Variants in SLC24A3 observed in about 807,000 individuals in gnomAD.
SLC24A3 encodes solute carrier family 24 member 3.
A neutral mutation model predicts 75.8 loss-of-function variants in SLC24A3; 28 were observed. The observed-to-expected ratio is 0.37, with a 90% CI of 0.27 to 0.51. SLC24A3 has a LOEUF of 0.51. SLC24A3 is among the 20% of genes least tolerant of loss of function. The pLI, the probability that SLC24A3 is intolerant of heterozygous loss-of-function variation, is 0.94. For missense variants in SLC24A3, 663 were observed against 847.8 expected (o/e 0.78, Z 2.71); for synonymous variants, 372 against 334.1 (o/e 1.11, Z -1.24).
At chr20:19,368,532 T>C (rs1985937202) in intron 2 of SLC24A3, among the ~76,000 whole-genome samples, 1 of 152,178 alleles carries the variant, frequency 6.6e-6, no homozygotes, top group Non-Finnish European at 1.5e-5. Context: ...TACTGTTGGC[T>C]GGCACCTCCA....
chr20:19,480,307 G>C (rs6081612), intron 2 of SLC24A3, among the ~76,000 whole-genome samples: 37,045 of 151,580 alleles, frequency 0.24, 5,006 homozygotes, highest in East Asian at 0.5. Context: ...CTTTGGACTA[G>C]AGGAGAGGTT....
At chr20:19,532,380 C>T (rs1047708974) in intron 3 of SLC24A3, among the ~76,000 whole-genome samples, 20 of 152,160 alleles carry the variant, frequency 1.3e-4, no homozygotes, top group African/African-American at 4.6e-4. Flanking sequence ...AGGGGCATTG[C>T]ATCCCCAGGA....
Position 19,721,234 on chromosome 20 carries a change from C to T in SLC24A3, c.*94C>T, listed in dbSNP as rs2033102091. The T allele has an allele frequency of 2.7e-6, 4 of 1,509,372 alleles. No individual in the cohort carries two copies. Among genetic ancestry groups the T allele is most frequent in the Non-Finnish European group, 3.6e-6 (4 of 1,113,638 alleles). 93.5% of individuals were successfully genotyped at this position (1,509,372 alleles called of 1,614,324 possible). A position where few individuals can be genotyped will look rare whatever the true frequency, so the allele number is the denominator to read the frequency against. ...GTCACACAGGCCCCCGGGGCCACGG[C>T]GTTCGTCTCTCCTGTGCTGTCCTCA... On this transcript the variant is annotated 3_prime_UTR_variant, in exon 17 of 17. Transcript: ENST00000328041.
At chr20:19,469,407 T>C (rs1425271886) in intron 2 of SLC24A3, among the ~76,000 whole-genome samples, 1 of 152,212 alleles carries the variant, frequency 6.6e-6, no homozygotes, top group East Asian at 1.9e-4. Flanking sequence ...TAGTTAGTAC[T>C]ATAGAAGCTT....
intron 15 of SLC24A3, among the ~76,000 whole-genome samples, chr20:19,710,197 G>T (rs533575467): frequency 5.1e-4 from 77 of 152,312 alleles, no homozygotes; most frequent in African/African-American, 1.8e-3. Context: ...AAAGGAATTT[G>T]TTGGTTGGGT....
chr20:19,661,780 C>A (rs1051972500), intron 7 of SLC24A3, among the ~76,000 whole-genome samples: 1 of 152,162 alleles, frequency 6.6e-6, no homozygotes, highest in Non-Finnish European at 1.5e-5. Flanking sequence ...CCTCCCAGCT[C>A]AGCCAGCCTC....
chr20:19,540,239 C>T (rs894414876), intron 3 of SLC24A3, among the ~76,000 whole-genome samples: 3 of 152,116 alleles, frequency 2.0e-5, no homozygotes, highest in African/African-American at 4.8e-5. Flanking sequence ...CAGTAAAACA[C>T]GTTCAGTGCA....
chr20:19,577,246 G>C (rs1386694396), intron 3 of SLC24A3, among the ~76,000 whole-genome samples: 3 of 151,982 alleles, frequency 2.0e-5, no homozygotes, highest in Admixed American at 2.0e-4. Context: ...TAGTAGAGAT[G>C]GGGTTTCACC....
At chr20:19,321,335 G>A (rs901559109) in intron 2 of SLC24A3, among the ~76,000 whole-genome samples, 2 of 152,132 alleles carry the variant, frequency 1.3e-5, no homozygotes, top group African/African-American at 4.8e-5. Context: ...GAGTGATGGA[G>A]CGAACACAGC....
intron 3 of SLC24A3, among the ~76,000 whole-genome samples, chr20:19,553,660 C>T (rs1007104405): frequency 2.0e-5 from 3 of 152,128 alleles, no homozygotes; most frequent in Admixed American, 6.5e-5. Context: ...CCGATGCTGT[C>T]CATGTCAGCT....
intron 1 of SLC24A3, among the ~76,000 whole-genome samples, chr20:19,223,643 T>C (rs1981790759): frequency 6.6e-6 from 1 of 152,224 alleles, no homozygotes; most frequent in Admixed American, 6.5e-5. Context: ...AATCGTAATA[T>C]ACTCTAAGAA....
intron 2 of SLC24A3, among the ~76,000 whole-genome samples, chr20:19,502,412 C>T (rs1033184092): frequency 6.6e-6 from 1 of 152,118 alleles, no homozygotes; most frequent in Non-Finnish European, 1.5e-5. Context: ...CTGCCTGGCA[C>T]TGGGGAGACA....
chr20:19,373,588 G>A (rs565426193), intron 2 of SLC24A3, among the ~76,000 whole-genome samples: 1 of 152,120 alleles, frequency 6.6e-6, no homozygotes, highest in Non-Finnish European at 1.5e-5. Context: ...TATAGATTTT[G>A]CCACTATATA....
intron 6 of SLC24A3, among the ~76,000 whole-genome samples, chr20:19,633,596 C>T (rs983041206): frequency 3.4e-5 from 5 of 146,410 alleles, no homozygotes; most frequent in African/African-American, 1.0e-4. Flanking sequence ...TTGCAGTGAG[C>T]CGAGATCCCG....
At chr20:19,295,894 C>G (rs1032180222) in intron 2 of SLC24A3, among the ~76,000 whole-genome samples, 2 of 152,118 alleles carry the variant, frequency 1.3e-5, no homozygotes, top group African/African-American at 4.8e-5. Flanking sequence ...AGAGAAGTCC[C>G]TCCTTCTCAA....
intron 2 of SLC24A3, among the ~76,000 whole-genome samples, chr20:19,427,093 G>A (rs1238781793): frequency 2.6e-5 from 4 of 152,072 alleles, no homozygotes; most frequent in African/African-American, 9.7e-5. Context: ...GTGTGTCTCT[G>A]TGTGCATGTG....
At chr20:19,366,161 T>C (rs1555789930) in intron 2 of SLC24A3, among the ~76,000 whole-genome samples, 1 of 149,450 alleles carries the variant, frequency 6.7e-6, no homozygotes, top group South Asian at 2.2e-4. Context: ...TAGGGGAGGG[T>C]GGGGGTGGAG....
intron 8 of SLC24A3, among the ~76,000 whole-genome samples, chr20:19,669,954 G>A (rs2032446641): frequency 1.3e-5 from 2 of 152,122 alleles, no homozygotes; most frequent in South Asian, 2.1e-4. Flanking sequence ...AGAGGACAGC[G>A]GGTGAGGTGT....
At chr20:19,677,084 G>A (rs2032533464) in intron 9 of SLC24A3, among the ~76,000 whole-genome samples, 1 of 152,142 alleles carries the variant, frequency 6.6e-6, no homozygotes, top group East Asian at 1.9e-4. Context: ...TTTTGAGAAA[G>A]CCCTCACTGT....
Sources: gnomAD v4.1 joint callset for allele counts (sites outside exome capture counted in the v4.1 genomes callset) on GRCh38, gnomAD v4.1.1 for gene constraint, MANE v1.5 for transcripts, NCBI Gene and HGNC (gene_info 2026-07-23, HGNC 2026-07-21) for gene names.